The following KCND2 variants were observed in gnomAD, a reference collection of about 807,000 sequenced individuals.
KCND2 encodes A-type voltage-gated potassium channel KCND2.
In KCND2, 16 loss-of-function variants were observed where a neutral mutation model predicts 54.4. That is an observed-to-expected ratio of 0.29 (90% CI 0.20 to 0.45). The LOEUF (loss-of-function observed/expected upper bound fraction) is 0.45, where lower values mean the gene tolerates loss of function less well. Among genes scored for constraint, KCND2 ranks in the 20% least tolerant of loss-of-function variants. KCND2 has a pLI of 1.00. For synonymous variants in KCND2, 317 were observed against 310.7 expected, an observed-to-expected ratio of 1.02 and a Z score of -0.21; for missense variants, 486 against 824.2, an observed-to-expected ratio of 0.59 and a Z score of 5.02.
intron 1 of KCND2, among the ~76,000 whole-genome samples, chr7:120,286,221 A>G (rs1799340826): frequency 6.6e-6 from 1 of 151,950 alleles, no homozygotes; most frequent in African/African-American, 2.4e-5. Flanking sequence ...TACTGTTTTA[A>G]TATTACTAAA....
chr7:120,312,924 C>T (rs1799760407), intron 1 of KCND2, among the ~76,000 whole-genome samples: 1 of 152,088 alleles, frequency 6.6e-6, no homozygotes, highest in African/African-American at 2.4e-5. Context: ...GACATCCTTC[C>T]CAACATTTGT....
intron 1 of KCND2, among the ~76,000 whole-genome samples, chr7:120,570,699 C>T (rs1315379397): frequency 6.6e-6 from 1 of 152,030 alleles, no homozygotes; most frequent in African/African-American, 2.4e-5. Context: ...GTGAAGGACT[C>T]AACTACTCCA....
In KCND2 at chr7:120,463,937, A is replaced by C. The variant is rs142916355; in HGVS notation, c.1115+188190A>C. ...TAGATAGATAGATAGATAGATAGATAGATAGATCGACAGATGGATAGATGA... is the reference window on the plus strand; with the variant it reads ...TAGATAGATAGATAGATAGATAGATCGATAGATCGACAGATGGATAGATGA... On this transcript the variant is annotated intron_variant, in intron 1 of 5. Coordinates refer to ENST00000331113, the MANE Select transcript of KCND2 (RefSeq NM_012281.3). 3.5e-3 allele frequency: 1,218 copies of C among 350,072 alleles called. 14 individuals are homozygous for C. Among genetic ancestry groups the C allele is most frequent in the African/African-American group, 0.027 (1,157 of 42,106 alleles). The allele number at this position is 350,072 out of a possible 1,614,324, so 21.7% of individuals were successfully genotyped here.
At chr7:120,461,544 A>AT (rs1055782142) in intron 1 of KCND2, among the ~76,000 whole-genome samples, 1 of 151,764 alleles carries the variant, frequency 6.6e-6, no homozygotes, top group African/African-American at 2.4e-5. Context: ...CATTCATGTT[A>AT]TTTTTTTCAC....
chr7:120,410,690 AC>A (rs1044265075), intron 1 of KCND2, among the ~76,000 whole-genome samples: 12 of 60,074 alleles, frequency 2.0e-4, no homozygotes, highest in Admixed American at 8.8e-4. Flanking sequence ...ATGCTCTCCC[AC>A]CCCCCTCCCC....
chr7:120,471,610 T>C (rs1031533251), intron 1 of KCND2, among the ~76,000 whole-genome samples: 1 of 152,142 alleles, frequency 6.6e-6, no homozygotes, highest in African/African-American at 2.4e-5. Flanking sequence ...ACTTGTAGCC[T>C]ATTTAATCTC....
At chr7:120,538,655 A>G (rs556848909) in intron 1 of KCND2, among the ~76,000 whole-genome samples, 2 of 152,168 alleles carry the variant, frequency 1.3e-5, no homozygotes, top group South Asian at 2.1e-4. Flanking sequence ...CTTCTTCCCC[A>G]TGTTTTATAC....
chr7:120,444,305 T>C (rs1369564304), intron 1 of KCND2, among the ~76,000 whole-genome samples: 1 of 152,100 alleles, frequency 6.6e-6, no homozygotes, highest in Non-Finnish European at 1.5e-5. Flanking sequence ...AGAGGGAAAG[T>C]TAGAGGTGAA....
At chr7:120,335,244 T>C (rs979549092) in intron 1 of KCND2, among the ~76,000 whole-genome samples, 22 of 150,306 alleles carry the variant, frequency 1.5e-4, no homozygotes. Context: ...ATGCCTGTAG[T>C]CCTAGCTACT....
chr7:120,635,008 G>A (rs1289649391), intron 1 of KCND2, among the ~76,000 whole-genome samples: 3 of 152,098 alleles, frequency 2.0e-5, no homozygotes, highest in Admixed American at 6.6e-5. Flanking sequence ...GATTTCTATC[G>A]ATCTTCAAAA....
intron 1 of KCND2, among the ~76,000 whole-genome samples, chr7:120,577,083 G>A (rs759997939): frequency 1.3e-5 from 2 of 152,096 alleles, no homozygotes; most frequent in Non-Finnish European, 2.9e-5. Context: ...GGGGGTTGAA[G>A]TTGCAGTGAG....
chr7:120,676,271 G>T (rs1430636931), intron 1 of KCND2, among the ~76,000 whole-genome samples: 2 of 152,100 alleles, frequency 1.3e-5, no homozygotes, highest in South Asian at 2.1e-4. Context: ...TTTTGGTAGG[G>T]TGGAATCTTT....
At chr7:120,609,418 G>T (rs961216786) in intron 1 of KCND2, among the ~76,000 whole-genome samples, 2 of 152,114 alleles carry the variant, frequency 1.3e-5, no homozygotes, top group East Asian at 3.9e-4. Flanking sequence ...TTGGCTGTCA[G>T]AGTTACTGAG....
At chr7:120,503,216 G>C (rs1211762219) in intron 1 of KCND2, among the ~76,000 whole-genome samples, 1 of 151,986 alleles carries the variant, frequency 6.6e-6, no homozygotes, top group Non-Finnish European at 1.5e-5. Context: ...TCATATGTTG[G>C]AAGCATATTG....
At chr7:120,608,511 G>A (rs1792911919) in intron 1 of KCND2, among the ~76,000 whole-genome samples, 1 of 152,122 alleles carries the variant, frequency 6.6e-6, no homozygotes, top group Middle Eastern at 3.4e-3. Context: ...TAGCATCTCT[G>A]GTCCCAGAAA....
chr7:120,484,684 G>T (rs1418368246), intron 1 of KCND2, among the ~76,000 whole-genome samples: 1 of 141,044 alleles, frequency 7.1e-6, no homozygotes. Context: ...TAAGATTCAG[G>T]CTTATATATA....
chr7:120,453,361 C>T (rs1802144206), intron 1 of KCND2, among the ~76,000 whole-genome samples: 1 of 152,186 alleles, frequency 6.6e-6, no homozygotes, highest in Non-Finnish European at 1.5e-5. Flanking sequence ...CTCCTCACTC[C>T]AGTGTTTCTG....
chr7:120,628,276 G>A (rs375308759), intron 1 of KCND2, among the ~76,000 whole-genome samples: 2 of 152,138 alleles, frequency 1.3e-5, no homozygotes, highest in African/African-American at 2.4e-5. Context: ...AAAGCCAAAG[G>A]TGCAAAAATC....
At chr7:120,518,196 A>C (rs943177741) in intron 1 of KCND2, among the ~76,000 whole-genome samples, 1 of 152,132 alleles carries the variant, frequency 6.6e-6, no homozygotes, top group Non-Finnish European at 1.5e-5. Flanking sequence ...TATGATCAGA[A>C]TGTATTATTA....
Sources: gnomAD v4.1 joint callset for allele counts (sites outside exome capture counted in the v4.1 genomes callset) on GRCh38, gnomAD v4.1.1 for gene constraint, MANE v1.5 for transcripts, NCBI Gene and HGNC (gene_info 2026-07-23, HGNC 2026-07-21) for gene names.